The following CACNA2D4 variants were observed in gnomAD, a reference collection of about 807,000 sequenced individuals.
CACNA2D4 encodes the protein voltage-dependent calcium channel subunit alpha-2/delta-4.
A neutral mutation model predicts 163.8 loss-of-function variants in CACNA2D4; 157 were observed. The observed-to-expected ratio is 0.96, with a 90% CI of 0.84 to 1.09. CACNA2D4 has a LOEUF of 1.09. CACNA2D4 is among the 50% of genes least tolerant of loss of function. CACNA2D4 has a pLI of 0.00. For missense variants in CACNA2D4, 1,410 were observed against 1,479.9 expected, an observed-to-expected ratio of 0.95 and a Z score of 0.78; for synonymous variants, 598 against 586.9, an observed-to-expected ratio of 1.02 and a Z score of -0.27.
rs1866064889 is a variant in CACNA2D4 at position 1,883,776 on chromosome 12, C to A, written c.1351+467G>T. Among the ~76,000 whole-genome samples, 1 of 152,196 alleles carries A rather than the reference C, an allele frequency of 6.6e-6. No individual in the cohort carries two copies. Among genetic ancestry groups the A allele is most frequent in the African/African-American group, 2.4e-5 (1 of 41,434 alleles). ...AGGCTGCATCGTGGGTGGTGTTTTA[C>A]TTGTATGTCTCCCTGCTGGACAATA... On this transcript the variant is annotated intron_variant, in intron 12 of 37. Transcript: ENST00000382722. This position sits in a 1 kb window ranked among gnomAD's most constrained non-coding sequence, Gnocchi z 4.5.
Position 1,844,607 on chromosome 12 carries a change from C to A in CACNA2D4, c.2343-78G>T. 1 of 1,504,904 alleles carries A rather than the reference C, an allele frequency of 6.6e-7. No homozygotes were observed. The highest frequency in any genetic ancestry group is 1.2e-5 in the South Asian group (1 of 80,034). The allele number at this position is 1,504,904 out of a possible 1,614,324, so 93.2% of individuals were successfully genotyped here. The stretch of plus-strand genomic sequence containing the variant: ...ACTCTTTCCTTTTCTCACACAAGGT[C>A]AACTTGGCTGGGCTAAGAGAGTGAT... On this transcript the variant is annotated intron_variant, in intron 24 of 37. Transcript: ENST00000382722. This position sits in a 1 kb window ranked among gnomAD's most constrained non-coding sequence, Gnocchi z 4.2.
At chr12:1,865,829 CTA>C (rs1226395812) in intron 18 of CACNA2D4, among the ~76,000 whole-genome samples, 3 of 152,230 alleles carry the variant, frequency 2.0e-5, no homozygotes, top group Non-Finnish European at 2.9e-5. Context: ...CTGTTTGCTG[CTA>C]TATATGCAAA....
chr12:1,915,137 C>A, intron 1 of CACNA2D4: 1 of 704,006 alleles, frequency 1.4e-6, no homozygotes, highest in Non-Finnish European at 2.6e-6. Flanking sequence ...ACCCCCCACA[C>A]ACATGCATAT....
chr12:1,801,398 A>G (rs1863320781), intron 30 of CACNA2D4, among the ~76,000 whole-genome samples, 176 bp downstream of exon 30: 1 of 152,132 alleles, frequency 6.6e-6, no homozygotes, highest in Non-Finnish European at 1.5e-5. Flanking sequence ...ACATGCCCTT[A>G]CGCCCTCCCC....
intron 26 of CACNA2D4, among the ~76,000 whole-genome samples, chr12:1,816,927 ACATGCACATACATAG>A (rs1260222713): frequency 6.6e-6 from 1 of 152,212 alleles, no homozygotes; most frequent in Non-Finnish European, 1.5e-5. Flanking sequence ...ACGTACACAC[ACATGCACATACATAG>A]CATGCACATG....
chr12:1,837,191 C>T (rs764250303), intron 26 of CACNA2D4, among the ~76,000 whole-genome samples: 3 of 152,150 alleles, frequency 2.0e-5, no homozygotes, highest in Non-Finnish European at 4.4e-5. Flanking sequence ...GCTCGTGTGG[C>T]GAGAAGGCAC....
In CACNA2D4 at chr12:1,799,883, C is replaced by T. The variant is rs1052470907; in HGVS notation, c.2974+117G>A. 3.8e-6 allele frequency: 5 copies of T among 1,298,794 alleles called. No individual in the cohort carries two copies. The highest frequency in any genetic ancestry group is 2.5e-5 in the East Asian group (1 of 39,594). The allele number at this position is 1,298,794 out of a possible 1,614,324, so 80.5% of individuals were successfully genotyped here. On this transcript the variant is annotated intron_variant, in intron 33 of 37. Transcript: ENST00000382722. The surrounding 1 kb of genome is among the most constrained non-coding windows in gnomAD (Gnocchi z 4.7). ...GCCACGCAGGGTGAGATGTGAACAA[C>T]GATGCTTCAGGGTCACCTATCCCCA...
chr12:1,884,161 T>C, intron 12 of CACNA2D4, 82 bp downstream of exon 12: 1 of 1,268,122 alleles, frequency 7.9e-7, no homozygotes, highest in Non-Finnish European at 1.1e-6. Flanking sequence ...GGGAAGCCCG[T>C]GCTCAGCACT....
intron 36 of CACNA2D4, 116 bp downstream of exon 36, chr12:1,795,552 C>A: frequency 1.2e-6 from 1 of 834,280 alleles, no homozygotes; most frequent in Admixed American, 2.6e-5. Context: ...TAACGGAGCC[C>A]TGTGGAGGAC....
intron 26 of CACNA2D4, among the ~76,000 whole-genome samples, chr12:1,826,635 C>T (rs60322754): frequency 0.01 from 1,569 of 152,318 alleles, 34 homozygotes; most frequent in African/African-American, 0.036. Context: ...CTGGCACCCT[C>T]GCTGCGTGGG....
chr12:1,825,327 G>A (rs868734454), intron 26 of CACNA2D4, among the ~76,000 whole-genome samples: 1 of 152,226 alleles, frequency 6.6e-6, no homozygotes, highest in South Asian at 2.1e-4. Context: ...GGGTGGGAGG[G>A]CTTCTCCACT....
At position 1,828,146 on chromosome 12, in the gene CACNA2D4, A is replaced by G; in HGVS notation, c.2551+12593T>C. ...CAGGGCCCGGAGAGCCGTGGGCCTC[A>G]CCATGCTGGCGCCGGGCAGCAGCCC... On this transcript the variant is annotated intron_variant, in intron 26 of 37. Coordinates refer to ENST00000382722, the MANE Select transcript of CACNA2D4 (RefSeq NM_172364.5). This position sits in a 1 kb window ranked among gnomAD's most constrained non-coding sequence, Gnocchi z 4.2. The G allele has an allele frequency of 6.5e-7, 1 of 1,540,022 alleles. No individual in the cohort carries two copies. The highest frequency in any genetic ancestry group is 8.8e-7 in the Non-Finnish European group (1 of 1,141,872).
chr12:1,879,762 G>C, intron 14 of CACNA2D4, 42 bp downstream of exon 14: 1 of 1,490,984 alleles, frequency 6.7e-7, no homozygotes, highest in Middle Eastern at 1.7e-4. Context: ...GAAGCCCCAG[G>C]TTCTAATCCC....
chr12:1,862,036 A>G (rs1035634234), intron 18 of CACNA2D4, among the ~76,000 whole-genome samples: 7 of 152,202 alleles, frequency 4.6e-5, no homozygotes, highest in African/African-American at 1.4e-4. Flanking sequence ...GTCCGTCTAT[A>G]TTGCTGTCCG....
At chr12:1,830,364 G>A (rs1864567548) in intron 26 of CACNA2D4, among the ~76,000 whole-genome samples, 1 of 152,230 alleles carries the variant, frequency 6.6e-6, no homozygotes, top group Admixed American at 6.5e-5. Flanking sequence ...GTGAAGGACA[G>A]GGCTAGGAGT....
Position 1,917,383 on chromosome 12 carries a change from A to G in CACNA2D4, c.227+864T>C, listed in dbSNP as rs1867013415. Among the ~76,000 whole-genome samples, 1 of 152,182 alleles carries G rather than the reference A, an allele frequency of 6.6e-6. No individual in the cohort carries two copies. The highest frequency in any genetic ancestry group is 2.1e-4 in the South Asian group (1 of 4,830). On this transcript the variant is annotated intron_variant, in intron 1 of 37. Coordinates refer to ENST00000382722, the MANE Select transcript of CACNA2D4 (RefSeq NM_172364.5). The surrounding 1 kb of genome is among the most constrained non-coding windows in gnomAD (Gnocchi z 4.3). ...AGGCTAAGCACAGGCACGGTGTGTCATTTAGGCTCCCTGTCCCCACTCCTG... is the reference window on the plus strand; with the variant it reads ...AGGCTAAGCACAGGCACGGTGTGTCGTTTAGGCTCCCTGTCCCCACTCCTG...
Position 1,918,587 on chromosome 12 carries a change from TGCCCCACAGCTGCAGCTCACAGAAGAGTC to T in CACNA2D4, c.-143_-115del. On this transcript the variant is annotated 5_prime_UTR_variant, in exon 1 of 38. Coordinates refer to ENST00000382722, the MANE Select transcript of CACNA2D4 (RefSeq NM_172364.5). ...GTCCTGGGTGGGGAGGGCTTCTCTC[TGCCCCACAGCTGCAGCTCACAGAAGAGTC>T]GCCCCACCTAGCAAGCAGGCCTCGG... The T allele has an allele frequency of 1.3e-6, 1 of 756,482 alleles. No homozygotes were observed. Among genetic ancestry groups the T allele is most frequent in the Non-Finnish European group, 2.2e-6 (1 of 461,950 alleles). The allele number at this position is 756,482 out of a possible 1,614,324, so 46.9% of individuals were successfully genotyped here.
chr12:1,831,339 G>C, intron 26 of CACNA2D4: 2 of 1,613,860 alleles, frequency 1.2e-6, no homozygotes, highest in Non-Finnish European at 1.7e-6. Flanking sequence ...GTTGCCCCCT[G>C]GTCTTTTCGA....
chr12:1,871,936 C>A (rs993801301), intron 18 of CACNA2D4, among the ~76,000 whole-genome samples: 1 of 152,176 alleles, frequency 6.6e-6, no homozygotes, highest in Non-Finnish European at 1.5e-5. Flanking sequence ...AGGTTAGACT[C>A]CAGGACACTT....
Sources: gnomAD v4.1 joint callset for allele counts (sites outside exome capture counted in the v4.1 genomes callset) on GRCh38, gnomAD v4.1.1 for gene constraint, Gnocchi (gnomAD v3.1) non-coding constraint, MANE v1.5 for transcripts, NCBI Gene and HGNC (gene_info 2026-07-23, HGNC 2026-07-21) for gene names.